EEFSEC: variants seen among roughly 807,000 people sequenced by gnomAD.
EEFSEC encodes selenocysteine-specific elongation factor.
EEFSEC carries 43 observed loss-of-function variants against 42.1 expected under a neutral mutation model. The observed-to-expected ratio is 1.02, with a 90% CI of 0.80 to 1.32. The LOEUF is 1.32. EEFSEC is among the 40% of genes most tolerant of loss of function. The pLI, the probability that EEFSEC is intolerant of heterozygous loss-of-function variation, is 0.00. For synonymous variants in EEFSEC, 354 were observed against 339.1 expected, an observed-to-expected ratio of 1.04 and a Z score of -0.48; for missense variants, 745 against 803.6, an observed-to-expected ratio of 0.93 and a Z score of 0.88.
chr3:128,310,439 A>G (rs2066877317), intron 4 of EEFSEC, among the ~76,000 whole-genome samples: 1 of 152,202 alleles, frequency 6.6e-6, no homozygotes, highest in Admixed American at 6.5e-5. Flanking sequence ...AAATTGTACA[A>G]GGTCATAGCC....
chr3:128,347,726 A>T (rs2067329823), intron 5 of EEFSEC, among the ~76,000 whole-genome samples: 1 of 152,244 alleles, frequency 6.6e-6, no homozygotes, highest in Non-Finnish European at 1.5e-5. Flanking sequence ...GTAAAGAAGG[A>T]CATCATGTAA....
In EEFSEC at chr3:128,264,829, G is replaced by T. The variant is rs751355673; in HGVS notation, c.786+48G>T. On this transcript the variant is annotated intron_variant, in intron 4 of 6. Coordinates refer to ENST00000254730, the MANE Select transcript of EEFSEC (RefSeq NM_021937.5). ...TTCTGGCCTCCTCGCTGGCAGCAAG[G>T]GAGGGGGACTGTCCCTTTGTCTGTT... 2.1e-5 allele frequency: 34 copies of T among 1,582,880 alleles called. 1 individual carries two copies. In the South Asian group the frequency reaches 3.4e-4, roughly 16 times the overall value.
At chr3:128,316,111 A>G (rs1351136293) in intron 4 of EEFSEC, among the ~76,000 whole-genome samples, 1 of 152,216 alleles carries the variant, frequency 6.6e-6, no homozygotes, top group Non-Finnish European at 1.5e-5. Flanking sequence ...GCGCAGAGGT[A>G]TTGCTGCTTG....
intron 1 of EEFSEC, among the ~76,000 whole-genome samples, chr3:128,158,252 C>G (rs749394792): frequency 2.0e-5 from 3 of 152,154 alleles, no homozygotes; most frequent in Admixed American, 6.5e-5. Context: ...TGAGATGGAA[C>G]CTACTCCTGG....
rs1462587420 is a variant in EEFSEC at position 128,317,140 on chromosome 3, G to A, written c.787-24093G>A. Reference sequence around the variant, plus strand: ...GGTTAGAGTTTTCCAAGCAGAGCCAGTAACCCTTTGGTACCAGGCCTCAAT... The same window carrying A: ...GGTTAGAGTTTTCCAAGCAGAGCCAATAACCCTTTGGTACCAGGCCTCAAT... On this transcript the variant is annotated intron_variant, in intron 4 of 6. Coordinates refer to ENST00000254730, the MANE Select transcript of EEFSEC (RefSeq NM_021937.5). The surrounding 1 kb of genome is among the most constrained non-coding windows in gnomAD (Gnocchi z 4.1). Among the ~76,000 whole-genome samples, 2 of 152,212 alleles carry A rather than the reference G, an allele frequency of 1.3e-5. No homozygotes were observed. Among genetic ancestry groups the A allele is most frequent in the South Asian group, 2.1e-4 (1 of 4,838 alleles).
chr3:128,407,204 G>A (rs2068125591), intron 6 of EEFSEC, among the ~76,000 whole-genome samples: 1 of 152,222 alleles, frequency 6.6e-6, no homozygotes, highest in South Asian at 2.1e-4. Flanking sequence ...TGTTCAGCTG[G>A]AGGGAGTTGA....
intron 1 of EEFSEC, among the ~76,000 whole-genome samples, chr3:128,211,959 A>T (rs2065762422): frequency 7.7e-6 from 1 of 129,616 alleles, no homozygotes; most frequent in Non-Finnish European, 1.5e-5. Context: ...TCCCGGGTTC[A>T]TGCCATTCTC....
At chr3:128,289,786 G>C (rs987762074) in intron 4 of EEFSEC, among the ~76,000 whole-genome samples, 1 of 152,240 alleles carries the variant, frequency 6.6e-6, no homozygotes, top group Admixed American at 6.5e-5. Context: ...TTTAGGCAGA[G>C]TGGCAGACAT....
chr3:128,374,900 GCCA>G (rs2067692362), intron 6 of EEFSEC, among the ~76,000 whole-genome samples: 1 of 152,220 alleles, frequency 6.6e-6, no homozygotes, highest in Non-Finnish European at 1.5e-5. Context: ...TTGAGCCCAG[GCCA>G]TCTGGCACTG....
intron 4 of EEFSEC, among the ~76,000 whole-genome samples, chr3:128,279,092 C>T (rs1003789783): frequency 2.6e-5 from 4 of 152,186 alleles, no homozygotes; most frequent in Admixed American, 6.5e-5. Flanking sequence ...GAGGGAAGGC[C>T]GGCCGCCAGA....
At chr3:128,305,780 A>G (rs1410485627) in intron 4 of EEFSEC, among the ~76,000 whole-genome samples, 1 of 152,184 alleles carries the variant, frequency 6.6e-6, no homozygotes, top group Admixed American at 6.5e-5. Flanking sequence ...ATTTTCTAAT[A>G]GAATAATTTG....
chr3:128,318,168 C>T lies in EEFSEC; in HGVS notation c.787-23065C>T, dbSNP rs146270980. 1.1e-4 allele frequency among the ~76,000 whole-genome samples: 16 copies of T among 152,336 alleles called. No homozygotes were observed. In the South Asian group the frequency reaches 2.1e-3, roughly 20 times the overall value. ...GTGAGACTGCATGAAGCTTGCATGG[C>T]GCCCTCCCGTGATGGACTGCTGTGA... is the stretch of plus-strand genomic sequence containing the variant. On this transcript the variant is annotated intron_variant, in intron 4 of 6. Transcript: ENST00000254730.
chr3:128,219,053 G>C (rs760208475), intron 1 of EEFSEC, among the ~76,000 whole-genome samples: 1 of 152,204 alleles, frequency 6.6e-6, no homozygotes, highest in Non-Finnish European at 1.5e-5. Context: ...CTATGCCGAG[G>C]CCTGAGCAGA....
Position 128,264,698 on chromosome 3 carries a change from A to G in EEFSEC, c.703A>G (p.Lys235Glu), listed in dbSNP as rs760991291. Residue 235 changes from lysine to glutamate, a missense_variant, in exon 4 of 7, where the codon AAA (lysine) becomes GAA (glutamate). Lys to Glu is a moderately conservative substitution (Grantham distance 56). Coordinates refer to ENST00000254730, the MANE Select transcript of EEFSEC (RefSeq NM_021937.5). Reference sequence around the variant, plus strand: ...GTCTGTGGACCACTGTTTCTCCATCAAAGGCCAAGGCACTGTGATGACAGG... The same window carrying G: ...GTCTGTGGACCACTGTTTCTCCATCGAAGGCCAAGGCACTGTGATGACAGG... ...LMSVDHCFSI[K>E]GQGTVMTGTI... The G allele has an allele frequency of 3.1e-5, 50 of 1,613,896 alleles. 1 individual carries two copies. The Admixed American group carries it at 5.8e-4, about 19-fold the overall frequency.
At chr3:128,244,072 C>T (rs1429655140) in intron 1 of EEFSEC, among the ~76,000 whole-genome samples, 1 of 152,224 alleles carries the variant, frequency 6.6e-6, no homozygotes, top group Non-Finnish European at 1.5e-5. Context: ...GGCACAGCTT[C>T]ACCCACCGGA....
At chr3:128,332,641 G>A (rs1390616507) in intron 4 of EEFSEC, among the ~76,000 whole-genome samples, 2 of 152,174 alleles carry the variant, frequency 1.3e-5, no homozygotes, top group Non-Finnish European at 2.9e-5. Flanking sequence ...TGTAGAGTTG[G>A]GGTTTCACCA....
rs780105565 is a variant in EEFSEC, at chr3:128,262,239, A to C, written c.621+15A>C. 1 of 1,613,328 alleles carries C rather than the reference A, an allele frequency of 6.2e-7. No homozygotes were observed. Among genetic ancestry groups the C allele is most frequent in the South Asian group, 1.1e-5 (1 of 91,042 alleles). ...AGCTCATTGAGGTACTGTCATCTTG[A>C]ATCCAGGTTGCCCTTTAGCCCCAGC... On this transcript the variant is annotated intron_variant, in intron 3 of 6. Transcript: ENST00000254730.
At chr3:128,413,051 G>A (rs2068184988), downstream of EEFSEC, among the ~76,000 whole-genome samples, 1 of 152,132 alleles carries the variant, frequency 6.6e-6, no homozygotes, top group Non-Finnish European at 1.5e-5. Flanking sequence ...GGAGCCAATG[G>A]CAGGGCCTGG....
intron 1 of EEFSEC, among the ~76,000 whole-genome samples, chr3:128,222,656 C>T (rs186457038): frequency 5.9e-5 from 9 of 152,270 alleles, no homozygotes; most frequent in East Asian, 1.9e-4. Context: ...TACAATATTA[C>T]GCACTTTAAC....
Sources: gnomAD v4.1 joint callset for allele counts (sites outside exome capture counted in the v4.1 genomes callset) on GRCh38, gnomAD v4.1.1 for gene constraint, Gnocchi (gnomAD v3.1) non-coding constraint, MANE v1.5 for transcripts, NCBI Gene and HGNC (gene_info 2026-07-23, HGNC 2026-07-21) for gene names.